The following CNTLN variants were observed in gnomAD, a reference collection of about 807,000 sequenced individuals.
CNTLN encodes centlein, centrosomal protein.
Under a neutral mutation model 180.0 loss-of-function variants are expected in CNTLN, and 212 were observed. The observed-to-expected ratio is 1.18, with a 90% confidence interval of 1.05 to 1.32. CNTLN has a LOEUF of 1.32. Among genes scored for constraint, CNTLN ranks in the 40% most tolerant of loss-of-function variants. The pLI is 0.00. For missense variants in CNTLN, 2,095 were observed against 1,610.9 expected, an observed-to-expected ratio of 1.30 and a Z score of -5.14; for synonymous variants, 722 against 563.1, an observed-to-expected ratio of 1.28 and a Z score of -3.99.
intron 2 of CNTLN, among the ~76,000 whole-genome samples, chr9:17,219,061 A>G (rs16935406): frequency 0.011 from 1,707 of 152,222 alleles, 33 homozygotes; most frequent in African/African-American, 0.039. Flanking sequence ...TCTTGGGAAA[A>G]ATGATTGGTG....
chr9:17,362,551 G>C (rs150243999), intron 12 of CNTLN, among the ~76,000 whole-genome samples: 4 of 152,026 alleles, frequency 2.6e-5, no homozygotes, highest in Non-Finnish European at 5.9e-5. Flanking sequence ...GGAAGGAGAG[G>C]CTACCTAATT....
intron 3 of CNTLN, among the ~76,000 whole-genome samples, chr9:17,233,861 GT>G (rs1824967689): frequency 6.6e-6 from 1 of 152,118 alleles, no homozygotes; most frequent in Non-Finnish European, 1.5e-5. Context: ...ACATATATCT[GT>G]CTTTGAACTA....
chr9:17,255,872 C>A (rs1398880847), intron 5 of CNTLN, among the ~76,000 whole-genome samples: 1 of 151,736 alleles, frequency 6.6e-6, no homozygotes, highest in Non-Finnish European at 1.5e-5. Flanking sequence ...TTTCATATTT[C>A]AGTTTTCATA....
chr9:17,221,705 C>A (rs1048436952), intron 2 of CNTLN, among the ~76,000 whole-genome samples: 1 of 152,102 alleles, frequency 6.6e-6, no homozygotes, highest in South Asian at 2.1e-4. Context: ...ACTGCCTGTT[C>A]ATCATCCTAT....
intron 13 of CNTLN, among the ~76,000 whole-genome samples, chr9:17,377,226 C>T (rs977406862): frequency 2.6e-5 from 4 of 152,138 alleles, no homozygotes; most frequent in African/African-American, 4.8e-5. Flanking sequence ...TCTTTCTTTT[C>T]GTATGTTTCT....
chr9:17,436,658 TTGTTAC>T (rs1188444058), intron 18 of CNTLN, among the ~76,000 whole-genome samples: 2 of 152,218 alleles, frequency 1.3e-5, no homozygotes, highest in African/African-American at 4.8e-5. Context: ...AGTTATGTGA[TTGTTAC>T]TGTATCCAAA....
At chr9:17,165,500 T>C (rs1448040885) in intron 2 of CNTLN, among the ~76,000 whole-genome samples, 1 of 152,164 alleles carries the variant, frequency 6.6e-6, no homozygotes, top group East Asian at 1.9e-4. Context: ...AAATTTCTAG[T>C]AATAGGTTAC....
intron 15 of CNTLN, among the ~76,000 whole-genome samples, chr9:17,396,369 C>G (rs932652744): frequency 6.6e-6 from 1 of 151,492 alleles, no homozygotes; most frequent in Non-Finnish European, 1.5e-5. Flanking sequence ...AACAAAACCA[C>G]AAAGACGAAT....
chr9:17,307,587 A>T (rs140814422), intron 7 of CNTLN, among the ~76,000 whole-genome samples: 3,500 of 150,306 alleles, frequency 0.023, 121 homozygotes, highest in African/African-American at 0.08. Context: ...ATTTTTTTTT[A>T]AAATAAAAGA....
At chr9:17,372,330 C>G (rs1210886621) in intron 13 of CNTLN, among the ~76,000 whole-genome samples, 32 of 151,992 alleles carry the variant, frequency 2.1e-4, no homozygotes, top group Non-Finnish European at 2.9e-5. Context: ...CAACTATATG[C>G]CAAATTCATA....
chr9:17,194,301 A>T (rs1425260351), intron 2 of CNTLN, among the ~76,000 whole-genome samples: 1 of 152,210 alleles, frequency 6.6e-6, no homozygotes, highest in African/African-American at 2.4e-5. Context: ...GTTAGGCTGC[A>T]CATTTTTCTA....
In CNTLN at chr9:17,258,130, A is replaced by C. The variant is rs879391386; in HGVS notation, c.850-15603A>C. On this transcript the variant is annotated intron_variant, in intron 5 of 25. Transcript: ENST00000380647. ...TTTTAGGTCTAACGTTTAAGTCTTT[A>C]ATCCATCTTGAATTGATTTTTGTAT... 5.2e-3 allele frequency among the ~76,000 whole-genome samples: 766 copies of C among 147,968 alleles called. 14 individuals carry two copies. Among genetic ancestry groups the C allele is most frequent in the African/African-American group, 0.018 (689 of 39,068 alleles).
chr9:17,295,262 A>C (rs4409489), intron 6 of CNTLN, among the ~76,000 whole-genome samples: 74,921 of 152,020 alleles, frequency 0.49, 19,633 homozygotes, highest in South Asian at 0.7. Context: ...TTGGCCAGCC[A>C]AGAAGGGGAC....
intron 6 of CNTLN, among the ~76,000 whole-genome samples, chr9:17,293,955 G>A (rs1817599636): frequency 6.6e-6 from 1 of 152,142 alleles, no homozygotes; most frequent in Non-Finnish European, 1.5e-5. Context: ...GTCCAGAATT[G>A]GTGCGTTCTT....
chr9:17,491,080 G>C (rs181478812), intron 25 of CNTLN, among the ~76,000 whole-genome samples: 1 of 151,970 alleles, frequency 6.6e-6, no homozygotes, highest in South Asian at 2.1e-4. Flanking sequence ...TATCTGTTCT[G>C]CCCATTCTGA....
chr9:17,328,578 G>A lies in CNTLN; in HGVS notation c.1342-2054G>A, dbSNP rs190628626. Among the ~76,000 whole-genome samples, 325 of 152,192 alleles carry A rather than the reference G, an allele frequency of 2.1e-3. 1 individual carries two copies. The highest frequency in any genetic ancestry group is 7.4e-3 in the African/African-American group (307 of 41,530). On this transcript the variant is annotated intron_variant, in intron 8 of 25. Transcript: ENST00000380647. Reference sequence around the variant, plus strand: ...TTAGGAGAAATGTAAAACACTTCTTGTAAACATGTCTGTAACAAAAGTGAT... The same window carrying A: ...TTAGGAGAAATGTAAAACACTTCTTATAAACATGTCTGTAACAAAAGTGAT...
chr9:17,460,248 GGCTCCATAGTCCAT>G (rs1831375529), intron 19 of CNTLN, among the ~76,000 whole-genome samples: 1 of 151,562 alleles, frequency 6.6e-6, no homozygotes, highest in Non-Finnish European at 1.5e-5. Context: ...CAAACCATCT[GGCTCCATAGTCCAT>G]GCTCCTAATT....
intron 5 of CNTLN, among the ~76,000 whole-genome samples, chr9:17,242,720 A>C (rs1825570763): frequency 6.6e-6 from 1 of 152,212 alleles, no homozygotes; most frequent in Admixed American, 6.5e-5. Context: ...GCACTTGGTC[A>C]TGATGAATGA....
chr9:17,428,197 G>A (rs536914632), intron 18 of CNTLN, among the ~76,000 whole-genome samples: 6 of 152,124 alleles, frequency 3.9e-5, no homozygotes, highest in African/African-American at 1.4e-4. Flanking sequence ...GGTTTATTAG[G>A]AGTCCTCTTG....
Sources: gnomAD v4.1 joint callset for allele counts (sites outside exome capture counted in the v4.1 genomes callset) on GRCh38, gnomAD v4.1.1 for gene constraint, MANE v1.5 for transcripts, NCBI Gene and HGNC (gene_info 2026-07-23, HGNC 2026-07-21) for gene names.